Variants in TMEM87B observed in about 807,000 individuals in gnomAD.
TMEM87B encodes transmembrane protein 87B.
A neutral mutation model predicts 80.3 loss-of-function variants in TMEM87B; 83 were observed. The observed-to-expected ratio is 1.03, with a 90% CI of 0.87 to 1.24. TMEM87B has a LOEUF of 1.24. TMEM87B is among the 50% of genes most tolerant of loss of function. TMEM87B has a pLI of 0.00. For synonymous variants in TMEM87B, 219 were observed against 230.5 expected (o/e 0.95, Z 0.45); for missense variants, 625 against 674.4 (o/e 0.93, Z 0.81).
chr2:112,105,976 A>G (rs1205820824), intron 15 of TMEM87B, 26 bp from the exon 16 acceptor site: 2 of 1,467,200 alleles, frequency 1.4e-6, no homozygotes, highest in South Asian at 1.3e-5. Flanking sequence ...GTGATTTTAT[A>G]TATATGTTTA....
intron 11 of TMEM87B, among the ~76,000 whole-genome samples, chr2:112,094,584 G>A (rs943802381): frequency 6.6e-6 from 1 of 152,062 alleles, no homozygotes; most frequent in African/African-American, 2.4e-5. Flanking sequence ...TTTGAGTGGG[G>A]GTAATTTATT....
chr2:112,058,408 C>T (rs1004701571), intron 1 of TMEM87B, among the ~76,000 whole-genome samples: 1 of 152,232 alleles, frequency 6.6e-6, no homozygotes, highest in Non-Finnish European at 1.5e-5. Context: ...TTGTGGACTA[C>T]AGATTGCATG....
intron 4 of TMEM87B, among the ~76,000 whole-genome samples, chr2:112,070,367 G>T (rs1455249431): frequency 6.6e-6 from 1 of 152,176 alleles, no homozygotes; most frequent in Non-Finnish European, 1.5e-5. Flanking sequence ...TGTAAGCAAA[G>T]GGTCCAGTTT....
At chr2:112,076,866 GTGTGTGTGTGTGTGTGTGTGTGTC>G (rs928081967) in intron 5 of TMEM87B, among the ~76,000 whole-genome samples, 2 of 148,228 alleles carry the variant, frequency 1.3e-5, no homozygotes, top group African/African-American at 5.0e-5. Context: ...GTGTGTGTGT[GTGTGTGTGTGTGTGTGTGTGTGTC>G]TGTGTGTGTG....
intron 11 of TMEM87B, among the ~76,000 whole-genome samples, chr2:112,094,162 T>C (rs1193629845): frequency 1.5e-5 from 2 of 136,290 alleles, no homozygotes; most frequent in Admixed American, 7.6e-5. Flanking sequence ...TTTCTTGTTC[T>C]TTTTTTTTTT....
At chr2:112,075,936 T>C (rs1358533593) in intron 5 of TMEM87B, among the ~76,000 whole-genome samples, 1 of 152,220 alleles carries the variant, frequency 6.6e-6, no homozygotes, top group African/African-American at 2.4e-5. Context: ...GGGAGGGCAC[T>C]GGAGAATTTA....
chr2:112,058,842 T>G (rs540728190), intron 1 of TMEM87B, among the ~76,000 whole-genome samples: 1 of 152,220 alleles, frequency 6.6e-6, no homozygotes, highest in Non-Finnish European at 1.5e-5. Context: ...GTTTGTGAGA[T>G]AAAGTAGGCA....
In TMEM87B at chr2:112,097,232, G is replaced by T; in HGVS notation, c.1214-1G>T. 1 of 1,608,420 alleles carries T rather than the reference G, an allele frequency of 6.2e-7. No individual in the cohort carries two copies. The highest frequency in any genetic ancestry group is 1.7e-5 in the Admixed American group (1 of 58,614). ...CAAAGGTGACTTTTTGTGTGTTTCA[G>T]CTTCTATAGTGTTTATGGGGTGGAC... On this transcript the variant is annotated splice_acceptor_variant, in intron 12 of 18. Coordinates refer to ENST00000283206, the MANE Select transcript of TMEM87B (RefSeq NM_032824.3). LOFTEE classifies it high-confidence loss of function.
chr2:112,090,967 G>A (rs997227987), intron 10 of TMEM87B, among the ~76,000 whole-genome samples: 8 of 151,932 alleles, frequency 5.3e-5, no homozygotes, highest in Admixed American at 4.6e-4. Context: ...TTATTTCCAC[G>A]TTTGTATGAT....
chr2:112,063,633 A>G (rs1035662871), intron 2 of TMEM87B, among the ~76,000 whole-genome samples: 12 of 152,150 alleles, frequency 7.9e-5, no homozygotes, highest in Admixed American at 5.2e-4. Context: ...TCCTCCAGCA[A>G]GCTTACCCAG....
intron 6 of TMEM87B, among the ~76,000 whole-genome samples, chr2:112,078,144 G>C (rs1678878067): frequency 6.6e-6 from 1 of 152,204 alleles, no homozygotes; most frequent in South Asian, 2.1e-4. Flanking sequence ...GAGCCAGACT[G>C]TGCCAAGTAG....
chr2:112,080,003 C>T (rs1202689092), intron 6 of TMEM87B, among the ~76,000 whole-genome samples: 1 of 143,374 alleles, frequency 7.0e-6, no homozygotes, highest in East Asian at 2.1e-4. Flanking sequence ...GATCTCGGCT[C>T]ACTGCAACCT....
intron 5 of TMEM87B, among the ~76,000 whole-genome samples, chr2:112,075,205 G>A (rs1057021266): frequency 4.6e-5 from 7 of 152,170 alleles, no homozygotes; most frequent in African/African-American, 1.7e-4. Context: ...TTTGATACCA[G>A]CCTGGCCAAC....
intron 17 of TMEM87B, among the ~76,000 whole-genome samples, chr2:112,110,732 GC>G (rs202018109): frequency 9.3e-5 from 14 of 150,912 alleles, no homozygotes; most frequent in Admixed American, 2.7e-4. Context: ...TTCTCCCACC[GC>G]CCCCCCCAAC....
At chr2:112,076,842 T>TTTTGTG (rs1352402751) in intron 5 of TMEM87B, among the ~76,000 whole-genome samples, 3 of 139,264 alleles carry the variant, frequency 2.2e-5, no homozygotes, top group Admixed American at 1.5e-4. Flanking sequence ...CTTTTCTGTT[T>TTTTGTG]TGTGTGTGTG....
At chr2:112,074,865 G>A (rs772133537) in intron 4 of TMEM87B, 47 bp from the exon 5 acceptor site, 49 of 1,475,112 alleles carry the variant, frequency 3.3e-5, no homozygotes, top group African/African-American at 7.3e-5. Flanking sequence ...ATTTTTCTCC[G>A]TAGAAATGCA....
Position 112,094,096 on chromosome 2 carries a change from G to A in TMEM87B, c.1104+2313G>A, listed in dbSNP as rs533833625. ...TTCAATTAATTAAGCTGCAGACTGC[G>A]TTTTTTAAAAAATAAACTATCTTTT... On this transcript the variant is annotated intron_variant, in intron 11 of 18. Transcript: ENST00000283206. Among the ~76,000 whole-genome samples, 85 of 150,380 alleles carry A rather than the reference G, an allele frequency of 5.7e-4. 1 individual carries two copies. The South Asian group carries it at 0.012, about 22-fold the overall frequency.
At chr2:112,115,323 G>T (rs1322340413) in intron 18 of TMEM87B, among the ~76,000 whole-genome samples, 1 of 132,002 alleles carries the variant, frequency 7.6e-6, no homozygotes, top group Non-Finnish European at 1.6e-5. Flanking sequence ...ATTACAGAAA[G>T]ATTCATAACT....
intron 9 of TMEM87B, among the ~76,000 whole-genome samples, chr2:112,088,332 G>A (rs1679206539): frequency 6.6e-6 from 1 of 152,166 alleles, no homozygotes; most frequent in Non-Finnish European, 1.5e-5. Context: ...TTAAATGAAT[G>A]GGTACAGATA....
Sources: allele counts gnomAD v4.1 joint callset (sites outside exome capture counted in the v4.1 genomes callset), GRCh38; gene constraint gnomAD v4.1.1; transcripts MANE v1.5; gene names NCBI Gene and HGNC (gene_info 2026-07-23, HGNC 2026-07-21).